Variants in TMEM106B observed in about 807,000 individuals in gnomAD.
TMEM106B encodes the protein transmembrane protein 106B.
A neutral mutation model predicts 31.1 loss-of-function variants in TMEM106B; 15 were observed. The observed-to-expected ratio is 0.48, with a 90% CI of 0.32 to 0.74. TMEM106B has a LOEUF of 0.74. Ranked by LOEUF, TMEM106B falls within the 30% of genes least tolerant of loss-of-function variation. TMEM106B has a pLI of 0.03. For synonymous variants in TMEM106B, 126 were observed against 112.5 expected (o/e 1.12, Z -0.76); for missense variants, 283 against 327.3 (o/e 0.86, Z 1.04).
At chr7:12,227,533 A>G (rs1235530938) in intron 4 of TMEM106B, among the ~76,000 whole-genome samples, 1 of 152,026 alleles carries the variant, frequency 6.6e-6, no homozygotes, top group African/African-American at 2.4e-5. Flanking sequence ...TTCCCATGTT[A>G]AATGGTCTTG....
At chr7:12,217,924 T>A (rs532380165) in intron 2 of TMEM106B, among the ~76,000 whole-genome samples, 19 of 152,210 alleles carry the variant, frequency 1.2e-4, no homozygotes, top group Admixed American at 7.9e-4. Flanking sequence ...GACTTTAACA[T>A]GGATTGGGGT....
chr7:12,230,353 C>T (rs751833626), intron 5 of TMEM106B, 36 bp from the exon 6 acceptor site: 1 of 1,477,004 alleles, frequency 6.8e-7, no homozygotes, highest in Non-Finnish European at 9.4e-7. Context: ...ATGTTTTGAT[C>T]TTGTTCTCTA....
rs924634384 is a variant in TMEM106B, at chr7:12,236,736, A to T, written c.*4761A>T. The stretch of plus-strand genomic sequence containing the variant: ...GCTGATAGTACTATTCATCTTTTTT[A>T]TTATTGTGTCAGATGAAACAAATGC... On this transcript the variant is annotated 3_prime_UTR_variant, in exon 8 of 8. Transcript: ENST00000396668. 1 of 151,980 alleles carries T rather than the reference A, an allele frequency of 6.6e-6. No individual in the cohort carries two copies. Among genetic ancestry groups the T allele is most frequent in the African/African-American group, 2.4e-5 (1 of 41,426 alleles). 9.4% of individuals were successfully genotyped at this position (151,980 alleles called of 1,614,324 possible).
intron 3 of TMEM106B, 125 bp from the exon 4 acceptor site, chr7:12,224,101 G>A (rs1583454469): frequency 1.2e-6 from 1 of 820,126 alleles, no homozygotes; most frequent in East Asian, 2.5e-5. Flanking sequence ...GTGAAAATTT[G>A]GTAACATTTA....
intron 6 of TMEM106B, chr7:12,230,743 A>G (rs1293383899): frequency 9.7e-6 from 3 of 309,230 alleles, no homozygotes; most frequent in South Asian, 9.5e-5. Context: ...AATTTTCATC[A>G]TCTTTTGAAT....
chr7:12,225,265 A>T (rs902496989), intron 4 of TMEM106B, among the ~76,000 whole-genome samples: 1 of 152,166 alleles, frequency 6.6e-6, no homozygotes, highest in African/African-American at 2.4e-5. Context: ...TCCAGTCTAT[A>T]ATTGATGGAC....
rs752498806 is a variant in TMEM106B, at chr7:12,214,825, T to G, written c.15T>G (p.Leu5=). The G allele has an allele frequency of 2.4e-5, 39 of 1,611,428 alleles. No homozygotes were observed. The highest frequency in any genetic ancestry group is 6.8e-6 in the Non-Finnish European group (8 of 1,179,072). ...TTTCTTTAGACATGGGAAAGTCTCT[T>G]TCTCATTTGCCTTTGCATTCAAGCA... MGKS[L]SHLPLHSSKE... The change falls in exon 2 of 8, where the codon CTT becomes CTG. Residue 5 remains leucine (L), a synonymous_variant. Coordinates refer to ENST00000396668, the MANE Select transcript of TMEM106B (RefSeq NM_001134232.2).
At position 12,235,212 on chromosome 7, in the gene TMEM106B, A is replaced by T. The variant is rs1469088681; in HGVS notation, c.*3237A>T. 6.6e-6 allele frequency: 1 copy of T among 152,304 alleles called. No individual in the cohort carries two copies. The highest frequency in any genetic ancestry group is 2.4e-5 in the African/African-American group (1 of 41,414). 9.4% of individuals were successfully genotyped at this position (152,304 alleles called of 1,614,324 possible). On this transcript the variant is annotated 3_prime_UTR_variant, in exon 8 of 8. Coordinates refer to ENST00000396668, the MANE Select transcript of TMEM106B (RefSeq NM_001134232.2). ...TGTTAAAATTTAGTACCCCTTCATC[A>T]TTCCAATAAAGATAAGACTGATCCA...
At position 12,237,457 on chromosome 7, in the gene TMEM106B, C is replaced by A. The variant is rs532074509; in HGVS notation, c.*5482C>A. 25 of 152,158 alleles carry A rather than the reference C, an allele frequency of 1.6e-4. No individual in the cohort carries two copies. The East Asian group carries it at 4.3e-3, about 26-fold the overall frequency. 9.4% of individuals were successfully genotyped at this position (152,158 alleles called of 1,614,324 possible). On this transcript the variant is annotated 3_prime_UTR_variant, in exon 8 of 8. Coordinates refer to ENST00000396668, the MANE Select transcript of TMEM106B (RefSeq NM_001134232.2). ...TTTATCCATTCTACCTCTGTAATGTCTCTGGAATTTATCTCATACGTGAAA... is the reference window on the plus strand; with the variant it reads ...TTTATCCATTCTACCTCTGTAATGTATCTGGAATTTATCTCATACGTGAAA...
At chr7:12,229,222 T>C (rs559601329) in intron 4 of TMEM106B, among the ~76,000 whole-genome samples, 1 of 152,172 alleles carries the variant, frequency 6.6e-6, no homozygotes, top group South Asian at 2.1e-4. Context: ...AGTTGTTACT[T>C]AAGCATGTGA....
At chr7:12,225,072 G>A (rs868294632) in intron 4 of TMEM106B, among the ~76,000 whole-genome samples, 1 of 152,004 alleles carries the variant, frequency 6.6e-6, no homozygotes, top group Non-Finnish European at 1.5e-5. Flanking sequence ...CTGTATCCAA[G>A]TATTCTCATT....
chr7:12,236,602 A>G lies in TMEM106B; in HGVS notation c.*4627A>G, dbSNP rs900957710. The G allele has an allele frequency of 6.6e-6, 1 of 151,944 alleles. No individual in the cohort carries two copies. The highest frequency in any genetic ancestry group is 2.1e-4 in the South Asian group (1 of 4,834). 9.4% of individuals were successfully genotyped at this position (151,944 alleles called of 1,614,324 possible). A position where few individuals can be genotyped will look rare whatever the true frequency, so the allele number is the denominator to read the frequency against. ...ATTGAGCCAGTGGCCAAAAGGTAAT[A>G]TTACTACCATGTAGACTGTTATAGT... is the stretch of plus-strand genomic sequence containing the variant. On this transcript the variant is annotated 3_prime_UTR_variant, in exon 8 of 8. Transcript: ENST00000396668.
At position 12,237,545 on chromosome 7, in the gene TMEM106B, T is replaced by A. The variant is rs1782162171; in HGVS notation, c.*5570T>A. 2 of 152,180 alleles carry A rather than the reference T, an allele frequency of 1.3e-5. No individual in the cohort carries two copies. The highest frequency in any genetic ancestry group is 4.8e-5 in the African/African-American group (2 of 41,452). The allele number at this position is 152,180 out of a possible 1,614,324, so 9.4% of individuals were successfully genotyped here. A position where few individuals can be genotyped will look rare whatever the true frequency, so the allele number is the denominator to read the frequency against. On this transcript the variant is annotated 3_prime_UTR_variant, in exon 8 of 8. Transcript: ENST00000396668. ...CAGGTTTGGTTCCACACCATATCGATAAAGTGATATAATCAAGCAAGTTAC... is the reference window on the plus strand; with the variant it reads ...CAGGTTTGGTTCCACACCATATCGAAAAAGTGATATAATCAAGCAAGTTAC...
At chr7:12,219,154 A>G (rs1304255291) in intron 3 of TMEM106B, among the ~76,000 whole-genome samples, 1 of 152,206 alleles carries the variant, frequency 6.6e-6, no homozygotes, top group Non-Finnish European at 1.5e-5. Flanking sequence ...AGCAAAAATT[A>G]TTGCAAAAGG....
At chr7:12,220,832 A>G (rs907285076) in intron 3 of TMEM106B, among the ~76,000 whole-genome samples, 1 of 152,218 alleles carries the variant, frequency 6.6e-6, no homozygotes, top group Non-Finnish European at 1.5e-5. Context: ...AAACAACTGG[A>G]AACAATGTAA....
rs747975454 is a variant in TMEM106B, at chr7:12,232,002, G to C, written c.*27G>C. The stretch of plus-strand genomic sequence containing the variant: ...AACTGGAAGAGATGGATTTAAAGAA[G>C]AAATATCTATTGATATTTCCTATAC... On this transcript the variant is annotated 3_prime_UTR_variant, in exon 8 of 8. Transcript: ENST00000396668. The C allele has an allele frequency of 1.2e-6, 2 of 1,602,254 alleles. No individual in the cohort carries two copies. The highest frequency in any genetic ancestry group is 1.7e-6 in the Non-Finnish European group (2 of 1,171,874).
rs541899873 is a variant in TMEM106B at position 12,242,926 on chromosome 7, A to G, written c.*10951A>G. The G allele has an allele frequency of 3.3e-5, 5 of 152,216 alleles. No individual in the cohort carries two copies. The highest frequency in any genetic ancestry group is 6.5e-5 in the Admixed American group (1 of 15,278). 9.4% of individuals were successfully genotyped at this position (152,216 alleles called of 1,614,324 possible). A position where few individuals can be genotyped will look rare whatever the true frequency, so the allele number is the denominator to read the frequency against. On this transcript the variant is annotated 3_prime_UTR_variant, in exon 8 of 8. Coordinates refer to ENST00000396668, the MANE Select transcript of TMEM106B (RefSeq NM_001134232.2). ...ATATCTACTGATTTATTTATTGCCT[A>G]TGTACCTATACTAGAACATAGTAAA...
rs1304365414 is a variant in TMEM106B, at chr7:12,237,812, TACATAC to T, written c.*5841_*5846del. ...ATGGCGAGACCCCATATAAAATATA[TACATAC>T]ACACACACACACACACACACACACA... is the stretch of plus-strand genomic sequence containing the variant. On this transcript the variant is annotated 3_prime_UTR_variant, in exon 8 of 8. Coordinates refer to ENST00000396668, the MANE Select transcript of TMEM106B (RefSeq NM_001134232.2). 1 of 97,748 alleles carries T rather than the reference TACATAC, an allele frequency of 1.0e-5. No individual in the cohort carries two copies. Among genetic ancestry groups the T allele is most frequent in the Non-Finnish European group, 2.1e-5 (1 of 47,210 alleles). 6.1% of individuals were successfully genotyped at this position (97,748 alleles called of 1,614,324 possible). A position where few individuals can be genotyped will look rare whatever the true frequency, so the allele number is the denominator to read the frequency against.
rs145881883 is a variant in TMEM106B at position 12,233,677 on chromosome 7, T to TAAAA, written c.*1712_*1715dup. The TAAAA allele has an allele frequency of 2.1e-5, 3 of 145,002 alleles. No individual in the cohort carries two copies. The highest frequency in any genetic ancestry group is 7.5e-5 in the African/African-American group (3 of 39,898). 9.0% of individuals were successfully genotyped at this position (145,002 alleles called of 1,614,324 possible). ...AGTTCATTATGGCCTTTCTAGTATT[T>TAAAA]AAAAAAAAAAAAATCATTTTCATTT... is the stretch of plus-strand genomic sequence containing the variant. On this transcript the variant is annotated 3_prime_UTR_variant, in exon 8 of 8. Coordinates refer to ENST00000396668, the MANE Select transcript of TMEM106B (RefSeq NM_001134232.2).
Sources: allele counts gnomAD v4.1 joint callset (sites outside exome capture counted in the v4.1 genomes callset), GRCh38; gene constraint gnomAD v4.1.1; transcripts MANE v1.5; gene names NCBI Gene and HGNC (gene_info 2026-07-23, HGNC 2026-07-21).